Variants in GRM1 observed in about 807,000 individuals in gnomAD.
GRM1 encodes glutamate metabotropic receptor 1.
GRM1 carries 33 observed loss-of-function variants against 90.9 expected under a neutral mutation model. That is an observed-to-expected ratio of 0.36 (90% CI 0.28 to 0.49). The LOEUF (loss-of-function observed/expected upper bound fraction) is 0.49. Among genes scored for constraint, GRM1 ranks in the 20% least tolerant of loss-of-function variants. GRM1 has a pLI of 0.99. For synonymous variants in GRM1, 700 were observed against 613.2 expected (o/e 1.14, Z -2.09); for missense variants, 1,190 against 1,534.3 (o/e 0.78, Z 3.75).
chr6:146,363,340 C>T (rs1376250808), intron 5 of GRM1, among the ~76,000 whole-genome samples: 1 of 152,222 alleles, frequency 6.6e-6, no homozygotes, highest in East Asian at 1.9e-4. Context: ...TATCATTTCC[C>T]TCTTCCTCTG....
At chr6:146,320,393 C>T (rs959824125) in intron 3 of GRM1, among the ~76,000 whole-genome samples, 1 of 152,086 alleles carries the variant, frequency 6.6e-6, no homozygotes, top group Non-Finnish European at 1.5e-5. Flanking sequence ...ATTTTCCCAT[C>T]GATGTTCATC....
At chr6:146,307,270 G>T in intron 3 of GRM1, among the ~76,000 whole-genome samples, 1 of 152,104 alleles carries the variant, frequency 6.6e-6, no homozygotes, top group Non-Finnish European at 1.5e-5. Flanking sequence ...CAATCTTTAT[G>T]AAACATGTTT....
chr6:146,290,958 G>T (rs1191184851), intron 2 of GRM1, among the ~76,000 whole-genome samples: 1 of 152,138 alleles, frequency 6.6e-6, no homozygotes, highest in Non-Finnish European at 1.5e-5. Context: ...ACAGAGGGCA[G>T]ACTGTGGTAG....
chr6:146,324,719 C>A (rs1170407711), intron 3 of GRM1, among the ~76,000 whole-genome samples: 2 of 152,084 alleles, frequency 1.3e-5, no homozygotes, highest in African/African-American at 4.8e-5. Context: ...AGGCAATGCC[C>A]CACCCTGCTT....
intron 2 of GRM1, among the ~76,000 whole-genome samples, chr6:146,163,097 C>T (rs957215947): frequency 3.3e-5 from 5 of 152,042 alleles, no homozygotes; most frequent in African/African-American, 4.8e-5. Context: ...CCAGCCACTT[C>T]GTTAAAACCA....
chr6:146,138,941 T>A (rs1250592070), intron 1 of GRM1, among the ~76,000 whole-genome samples: 1 of 152,060 alleles, frequency 6.6e-6, no homozygotes, highest in East Asian at 1.9e-4. Context: ...ATGTTCTTTT[T>A]TTTTTAATGT....
At chr6:146,050,106 C>A (rs148779268) in intron 1 of GRM1, among the ~76,000 whole-genome samples, 2 of 151,812 alleles carry the variant, frequency 1.3e-5, no homozygotes, top group African/African-American at 4.8e-5. Flanking sequence ...TGTAAATAAC[C>A]GGTGCAAAGA....
intron 1 of GRM1, among the ~76,000 whole-genome samples, chr6:146,056,678 T>A (rs1775492285): frequency 6.6e-6 from 1 of 152,162 alleles, no homozygotes; most frequent in South Asian, 2.1e-4. Flanking sequence ...TTTTAAACTT[T>A]CGCAACATCT....
At chr6:146,211,803 T>G (rs1779696505) in intron 2 of GRM1, among the ~76,000 whole-genome samples, 1 of 152,250 alleles carries the variant, frequency 6.6e-6, no homozygotes, top group Non-Finnish European at 1.5e-5. Context: ...TCAGTTTCAT[T>G]TTTAGATTCC....
chr6:146,330,720 G>A (rs570443952), intron 3 of GRM1, among the ~76,000 whole-genome samples: 36 of 152,148 alleles, frequency 2.4e-4, no homozygotes, highest in African/African-American at 8.7e-4. Context: ...ATGTTTTGAG[G>A]AAAACTAACA....
intron 7 of GRM1, among the ~76,000 whole-genome samples, chr6:146,402,044 T>G (rs148766495): frequency 3.3e-5 from 5 of 152,306 alleles, no homozygotes; most frequent in Admixed American, 2.6e-4. Context: ...TAATTTCATG[T>G]GGGATCTTGC....
At chr6:146,225,978 T>C (rs1408630966) in intron 2 of GRM1, among the ~76,000 whole-genome samples, 2 of 152,170 alleles carry the variant, frequency 1.3e-5, no homozygotes, top group African/African-American at 4.8e-5. Flanking sequence ...TGCACCTTTG[T>C]TTGCTTCCAA....
rs56956724 is a variant in GRM1 at position 146,260,804 on chromosome 6, G to GTTTTTT, written c.951-43779_951-43774dup. 3.8e-3 allele frequency among the ~76,000 whole-genome samples: 87 copies of GTTTTTT among 22,736 alleles called. 7 individuals carry two copies. The highest frequency in any genetic ancestry group is 0.013 in the African/African-American group (75 of 5,904). The allele number at this position is 22,736 out of a possible 152,430, so 14.9% of individuals were successfully genotyped here. On this transcript the variant is annotated intron_variant, in intron 2 of 7. Coordinates refer to ENST00000282753, the MANE Select transcript of GRM1 (RefSeq NM_001278064.2). ...CCCATTTTTTAATTAGGTTATTTGGGTTTTTTTTTTTTTTTTTTTTTTTTT... is the reference window on the plus strand; with the variant it reads ...CCCATTTTTTAATTAGGTTATTTGGGTTTTTTTTTTTTTTTTTTTTTTTTTTTTTTT...
chr6:146,264,457 C>A (rs1257999826), intron 2 of GRM1, among the ~76,000 whole-genome samples: 1 of 150,974 alleles, frequency 6.6e-6, no homozygotes, highest in South Asian at 2.1e-4. Flanking sequence ...AAATTTTAAT[C>A]AAAATGAATT....
At chr6:146,101,210 T>C (rs1331407954) in intron 1 of GRM1, among the ~76,000 whole-genome samples, 1 of 152,234 alleles carries the variant, frequency 6.6e-6, no homozygotes, top group Admixed American at 6.5e-5. Flanking sequence ...TTTATGATTT[T>C]TTCTGTAGTA....
intron 2 of GRM1, among the ~76,000 whole-genome samples, chr6:146,239,585 C>A (rs141599458): frequency 4.6e-5 from 7 of 152,200 alleles, no homozygotes; most frequent in African/African-American, 1.7e-4. Flanking sequence ...GTGCTGTACA[C>A]TTTCTACAAA....
intron 1 of GRM1, among the ~76,000 whole-genome samples, chr6:146,103,674 A>T (rs1472357836): frequency 6.6e-6 from 1 of 152,172 alleles, no homozygotes; most frequent in African/African-American, 2.4e-5. Flanking sequence ...CATAACATTA[A>T]TGGGAATGCT....
At chr6:146,275,939 G>A (rs148341368) in intron 2 of GRM1, among the ~76,000 whole-genome samples, 37 of 152,148 alleles carry the variant, frequency 2.4e-4, no homozygotes, top group African/African-American at 5.5e-4. Context: ...AATATTATTT[G>A]TACATCTTTT....
At chr6:146,244,770 A>C (rs1780996709) in intron 2 of GRM1, among the ~76,000 whole-genome samples, 3 of 152,238 alleles carry the variant, frequency 2.0e-5, no homozygotes, top group African/African-American at 7.2e-5. Flanking sequence ...ATTTCCTAGC[A>C]ACCCCTAATA....
Sources: gnomAD v4.1 joint callset for allele counts (sites outside exome capture counted in the v4.1 genomes callset) on GRCh38, gnomAD v4.1.1 for gene constraint, MANE v1.5 for transcripts, NCBI Gene and HGNC (gene_info 2026-07-23, HGNC 2026-07-21) for gene names.